The following SCHIP1 variants were observed in gnomAD, a reference collection of about 807,000 sequenced individuals.
SCHIP1 encodes schwannomin interacting protein 1.
In SCHIP1, 8 loss-of-function variants were observed where a neutral mutation model predicts 29.7. That is an observed-to-expected ratio of 0.27 (90% CI 0.16 to 0.49). SCHIP1 has a LOEUF of 0.49. SCHIP1 is among the 20% of genes least tolerant of loss of function. The probability of loss-of-function intolerance (pLI) is 0.99; values close to 1 mark genes in which losing one functional copy is unlikely to be tolerated. For missense variants in SCHIP1, 193 were observed against 294.6 expected, an observed-to-expected ratio of 0.66 and a Z score of 2.52; for synonymous variants, 76 against 94.9, an observed-to-expected ratio of 0.80 and a Z score of 1.16.
the SCHIP1 span, among the ~76,000 whole-genome samples, chr3:159,296,248 C>T: frequency 6.6e-6 from 1 of 151,958 alleles, no homozygotes; most frequent in Admixed American, 6.6e-5. Flanking sequence ...CTCCATTTAG[C>T]AGAATTTGCT....
the SCHIP1 span, among the ~76,000 whole-genome samples, chr3:159,618,089 C>T: frequency 6.6e-6 from 1 of 152,168 alleles, no homozygotes; most frequent in Non-Finnish European, 1.5e-5. Flanking sequence ...ATTATGCATC[C>T]TATCTTATCT....
chr3:159,801,916 A>G, the SCHIP1 span, among the ~76,000 whole-genome samples: 2 of 152,162 alleles, frequency 1.3e-5, no homozygotes, highest in Non-Finnish European at 2.9e-5. Context: ...ATGTGTTTAC[A>G]GTTGTTATTG....
the SCHIP1 span, among the ~76,000 whole-genome samples, chr3:159,407,555 C>T: frequency 6.6e-6 from 1 of 152,168 alleles, no homozygotes; most frequent in Admixed American, 6.5e-5. Context: ...ATTTACAGAA[C>T]ATTTCATCCA....
At chr3:159,381,700 A>G in the SCHIP1 span, among the ~76,000 whole-genome samples, 1 of 151,312 alleles carries the variant, frequency 6.6e-6, no homozygotes, top group Non-Finnish European at 1.5e-5. Flanking sequence ...GGTTCGAGAG[A>G]TTCTTGTGCC....
At chr3:159,575,240 G>A in the SCHIP1 span, among the ~76,000 whole-genome samples, 1 of 152,170 alleles carries the variant, frequency 6.6e-6, no homozygotes, top group Non-Finnish European at 1.5e-5. Context: ...TCTTGCGACT[G>A]TCTTTTAACT....
At chr3:159,492,601 T>A in the SCHIP1 span, among the ~76,000 whole-genome samples, 2 of 152,164 alleles carry the variant, frequency 1.3e-5, no homozygotes, top group African/African-American at 2.4e-5. Context: ...TGGGACTATT[T>A]GAAAAGACCA....
chr3:159,828,376 CATATATATAT>C, the SCHIP1 span, among the ~76,000 whole-genome samples: 1 of 75,710 alleles, frequency 1.3e-5, no homozygotes, highest in Non-Finnish European at 2.4e-5. Context: ...TATATATATA[CATATATATAT>C]ACATATATAC....
chr3:159,816,799 G>A, the SCHIP1 span, among the ~76,000 whole-genome samples: 1 of 152,202 alleles, frequency 6.6e-6, no homozygotes, highest in African/African-American at 2.4e-5. Context: ...AACTCGTGCT[G>A]TCTCTAGCTT....
At chr3:159,810,698 C>T in the SCHIP1 span, among the ~76,000 whole-genome samples, 19,438 of 152,168 alleles carry the variant, frequency 0.13, 1,474 homozygotes, top group Middle Eastern at 0.29. Flanking sequence ...ATATTTTGGT[C>T]GTCCATTTAC....
At chr3:159,443,191 A>G in the SCHIP1 span, among the ~76,000 whole-genome samples, 1 of 152,298 alleles carries the variant, frequency 6.6e-6, no homozygotes. Flanking sequence ...AGGATGTTGG[A>G]AAAGTAAATT....
the SCHIP1 span, among the ~76,000 whole-genome samples, chr3:159,772,225 G>A: frequency 1.3e-5 from 2 of 151,902 alleles, no homozygotes; most frequent in African/African-American, 2.4e-5. Flanking sequence ...ATCTCGACTC[G>A]CTGCAACCCC....
the SCHIP1 span, among the ~76,000 whole-genome samples, chr3:159,570,328 G>A: frequency 6.6e-6 from 1 of 152,126 alleles, no homozygotes; most frequent in Non-Finnish European, 1.5e-5. Flanking sequence ...TGTATAAGAT[G>A]TAAGGAAGGG....
the SCHIP1 span, among the ~76,000 whole-genome samples, chr3:159,694,608 G>T: frequency 5.7e-5 from 8 of 141,478 alleles, no homozygotes; most frequent in African/African-American, 1.9e-4. Flanking sequence ...AAGAAAGAAA[G>T]GAATTATGAC....
chr3:159,684,847 A>G, the SCHIP1 span, among the ~76,000 whole-genome samples: 1 of 151,778 alleles, frequency 6.6e-6, no homozygotes, highest in East Asian at 1.9e-4. Context: ...GAAAAAAAAA[A>G]AGCATCCTCT....
chr3:159,292,448 T>A, the SCHIP1 span, among the ~76,000 whole-genome samples: 1 of 152,188 alleles, frequency 6.6e-6, no homozygotes, highest in Non-Finnish European at 1.5e-5. Context: ...CTCATTATAA[T>A]GATATGTGTT....
At chr3:159,647,047 G>A in the SCHIP1 span, among the ~76,000 whole-genome samples, 1 of 151,998 alleles carries the variant, frequency 6.6e-6, no homozygotes, top group Non-Finnish European at 1.5e-5. Flanking sequence ...AAGACTAGGA[G>A]ATAAGGTAAC....
At chr3:159,461,778 G>T in the SCHIP1 span, among the ~76,000 whole-genome samples, 1 of 151,906 alleles carries the variant, frequency 6.6e-6, no homozygotes, top group African/African-American at 2.4e-5. Context: ...ATACATCTCT[G>T]TTTAAATTTT....
At chr3:159,622,384 A>G in the SCHIP1 span, among the ~76,000 whole-genome samples, 1 of 152,062 alleles carries the variant, frequency 6.6e-6, no homozygotes, top group East Asian at 1.9e-4. Context: ...ATCTGTAGGC[A>G]TAAAAGATAC....
chr3:159,523,497 T>G, the SCHIP1 span, among the ~76,000 whole-genome samples: 1 of 152,198 alleles, frequency 6.6e-6, no homozygotes, highest in Admixed American at 6.5e-5. Context: ...TTTTAAAAAG[T>G]AAGTATCTGA....
Sources: gnomAD v4.1 joint callset for allele counts (sites outside exome capture counted in the v4.1 genomes callset) on GRCh38, gnomAD v4.1.1 for gene constraint, MANE v1.5 for transcripts, NCBI Gene and HGNC (gene_info 2026-07-23, HGNC 2026-07-21) for gene names.